Variants in MRTFB observed in about 807,000 individuals in gnomAD.
The protein encoded by MRTFB is myocardin-related transcription factor B.
In MRTFB, 29 loss-of-function variants were observed where a neutral mutation model predicts 104.2. The ratio of observed to expected loss-of-function variants is 0.28; its 90% CI spans 0.21 to 0.38. The LOEUF (loss-of-function observed/expected upper bound fraction) is 0.38, where lower values mean the gene tolerates loss of function less well. MRTFB is among the 10% of genes least tolerant of loss of function. The pLI is 1.00. For synonymous variants in MRTFB, 535 were observed against 519.5 expected (o/e 1.03, Z -0.41); for missense variants, 1,270 against 1,341.6 (o/e 0.95, Z 0.83).
upstream of MRTFB, among the ~76,000 whole-genome samples, chr16:14,069,663 G>A (rs1022727581): frequency 1.3e-5 from 2 of 151,864 alleles, no homozygotes; most frequent in African/African-American, 4.8e-5. Context: ...TTTATTTTTT[G>A]TAGAGACGGG....
upstream of MRTFB, among the ~76,000 whole-genome samples, chr16:14,068,518 T>C (rs1676896159): frequency 1.3e-5 from 2 of 152,192 alleles, no homozygotes; most frequent in South Asian, 4.1e-4. Flanking sequence ...AACAGGCTGA[T>C]CTGGGGTGGA....
the MRTFB span, among the ~76,000 whole-genome samples, chr16:14,018,412 C>A: frequency 2.0e-5 from 3 of 152,270 alleles, no homozygotes; most frequent in African/African-American, 7.2e-5. Flanking sequence ...CATCACCAAC[C>A]TCTTTATGAT....
intron 3 of MRTFB, among the ~76,000 whole-genome samples, chr16:14,167,116 A>C (rs1236925683): frequency 6.6e-6 from 1 of 152,184 alleles, no homozygotes; most frequent in Non-Finnish European, 1.5e-5. Flanking sequence ...ACTAATTTAC[A>C]TTCCCACCAA....
the MRTFB span, among the ~76,000 whole-genome samples, chr16:14,017,713 T>TA: frequency 0.016 from 150 of 9,438 alleles, 15 homozygotes; most frequent in Admixed American, 0.048. Context: ...ATATATATAT[T>TA]TTTTTTTTTT....
intron 3 of MRTFB, chr16:14,144,890 A>C (rs1164958784): frequency 6.6e-6 from 1 of 150,736 alleles, no homozygotes; most frequent in Admixed American, 6.6e-5. Flanking sequence ...CGGAGTTTGC[A>C]GTGAGTCAAG....
chr16:14,147,311 G>A (rs1480221134), intron 3 of MRTFB, among the ~76,000 whole-genome samples: 1 of 152,176 alleles, frequency 6.6e-6, no homozygotes, highest in Non-Finnish European at 1.5e-5. Context: ...AACTGCAAAT[G>A]AAAATGTGGC....
At position 14,210,410 on chromosome 16, in the gene MRTFB, A is replaced by G. The variant is rs1306233480; in HGVS notation, c.220+102A>G. ...CTCTGCTTTCAGTTGTATCCATTTAATCAACAAACAATTACCAAATGAATT... is the reference window on the plus strand; with the variant it reads ...CTCTGCTTTCAGTTGTATCCATTTAGTCAACAAACAATTACCAAATGAATT... On this transcript the variant is annotated intron_variant, in intron 4 of 16. Transcript: ENST00000571589. 16 of 811,526 alleles carry G rather than the reference A, an allele frequency of 2.0e-5. No individual in the cohort carries two copies. The South Asian group carries it at 2.1e-4, about 10-fold the overall frequency. 50.3% of individuals were successfully genotyped at this position (811,526 alleles called of 1,614,324 possible). A position where few individuals can be genotyped will look rare whatever the true frequency, so the allele number is the denominator to read the frequency against.
At chr16:14,093,727 T>C (rs1010439147) in intron 2 of MRTFB, among the ~76,000 whole-genome samples, 1 of 152,194 alleles carries the variant, frequency 6.6e-6, no homozygotes, top group Non-Finnish European at 1.5e-5. Flanking sequence ...GGAAAGTATA[T>C]TTTAGATTTT....
intron 3 of MRTFB, 185 bp downstream of exon 3, chr16:14,140,945 T>C (rs1438643318): frequency 1.7e-6 from 1 of 578,852 alleles, no homozygotes; most frequent in African/African-American, 1.9e-5. Flanking sequence ...AGTTCTTTCA[T>C]TATTTTCCCA....
At chr16:14,164,004 G>A (rs2039139307) in intron 3 of MRTFB, among the ~76,000 whole-genome samples, 1 of 152,136 alleles carries the variant, frequency 6.6e-6, no homozygotes. Context: ...CCAAGTCTGG[G>A]TATTTAGGAT....
intron 2 of MRTFB, among the ~76,000 whole-genome samples, chr16:14,087,810 A>G (rs2034814954): frequency 6.6e-6 from 1 of 152,210 alleles, no homozygotes; most frequent in Non-Finnish European, 1.5e-5. Context: ...TTACCTTAAG[A>G]ACTGATTACT....
chr16:14,076,428 C>G (rs942730917), intron 1 of MRTFB, among the ~76,000 whole-genome samples: 23 of 152,218 alleles, frequency 1.5e-4, no homozygotes, highest in Admixed American at 2.0e-4. Flanking sequence ...CTCCTGACCT[C>G]AGGTTATCCA....
At chr16:14,116,288 C>G (rs1027596117) in intron 2 of MRTFB, among the ~76,000 whole-genome samples, 1 of 152,120 alleles carries the variant, frequency 6.6e-6, no homozygotes, top group African/African-American at 2.4e-5. Context: ...TCTAACTCAT[C>G]TATTTTTCAG....
chr16:14,022,619 T>C, the MRTFB span, among the ~76,000 whole-genome samples: 2 of 152,100 alleles, frequency 1.3e-5, no homozygotes, highest in Non-Finnish European at 2.9e-5. Context: ...ATGATCAAGA[T>C]GGTCTCAATC....
At position 14,247,488 on chromosome 16, in the gene MRTFB, T is replaced by C; in HGVS notation, c.2228T>C (p.Val743Ala). 2 of 1,564,418 alleles carry C rather than the reference T, an allele frequency of 1.3e-6. No homozygotes were observed. Among genetic ancestry groups the C allele is most frequent in the South Asian group, 1.2e-5 (1 of 86,714 alleles). The part of the protein sequence containing the change: ...GSSVTSVQLP[V>A]GSLKLQTSPQ... ...AGTGTCACCTCAGTGCAACTCCCTGTAGGCAGCCTCAAACTCCAGGTGTGA... is the reference window on the plus strand; with the variant it reads ...AGTGTCACCTCAGTGCAACTCCCTGCAGGCAGCCTCAAACTCCAGGTGTGA... The change falls in exon 12 of 17, where the codon GTA (valine) becomes GCA (alanine). Residue 743 changes from valine to alanine, a missense_variant. Around this residue, in one of 3 missense-constraint regions of MRTFB, gnomAD observed 1,144 missense variants for 1,131.5 expected, o/e 1.01. Coordinates refer to ENST00000571589, the MANE Select transcript of MRTFB (RefSeq NM_001308142.2).
In MRTFB at chr16:14,124,220, T is replaced by A. The variant is rs370985493; in HGVS notation, c.-63-16324T>A. Among the ~76,000 whole-genome samples, 14 of 152,350 alleles carry A rather than the reference T, an allele frequency of 9.2e-5. No individual in the cohort carries two copies. In the East Asian group the frequency reaches 2.5e-3, roughly 27 times the overall value. The stretch of plus-strand genomic sequence containing the variant: ...TCATGTTATCTGCAAACAGAGACAA[T>A]TTGACTTCCTCTTTTCCTATTCGAA... On this transcript the variant is annotated intron_variant, in intron 2 of 16. Transcript: ENST00000571589.
chr16:14,212,051 C>T (rs377531543), intron 4 of MRTFB, among the ~76,000 whole-genome samples: 2 of 152,300 alleles, frequency 1.3e-5, no homozygotes, highest in African/African-American at 4.8e-5. Context: ...ATCAAGGAGT[C>T]ATCAGACAGT....
At chr16:14,084,108 C>T (rs777965276) in intron 2 of MRTFB, among the ~76,000 whole-genome samples, 1 of 152,150 alleles carries the variant, frequency 6.6e-6, no homozygotes, top group East Asian at 1.9e-4. Context: ...CTTTGTTTTT[C>T]AGTCTATTGC....
chr16:14,030,913 G>T, the MRTFB span, among the ~76,000 whole-genome samples: 5 of 152,200 alleles, frequency 3.3e-5, no homozygotes, highest in Non-Finnish European at 7.3e-5. Context: ...AGACTCCCTA[G>T]AAGTGATTCT....
Sources: allele counts gnomAD v4.1 joint callset (sites outside exome capture counted in the v4.1 genomes callset), GRCh38; gene constraint gnomAD v4.1.1; regional missense constraint gnomAD v4.1.1; transcripts MANE v1.5; gene names NCBI Gene and HGNC (gene_info 2026-07-23, HGNC 2026-07-21).